DPP10: variants seen among roughly 807,000 people sequenced by gnomAD.
The protein encoded by DPP10 is dipeptidyl peptidase like 10.
DPP10 carries 33 observed loss-of-function variants against 120.9 expected under a neutral mutation model. The observed-to-expected ratio is 0.27, with a 90% CI of 0.21 to 0.37. The LOEUF (loss-of-function observed/expected upper bound fraction) is 0.37, where lower values mean the gene tolerates loss of function less well. DPP10 is among the 10% of genes least tolerant of loss of function. The probability of loss-of-function intolerance (pLI) is 1.00; values close to 1 mark genes in which losing one functional copy is unlikely to be tolerated. For missense variants in DPP10, 816 were observed against 942.8 expected (o/e 0.87, Z 1.76); for synonymous variants, 337 against 326.1 (o/e 1.03, Z -0.36).
At chr2:114,767,524 C>T (rs1680847746) in intron 1 of DPP10, among the ~76,000 whole-genome samples, 1 of 151,688 alleles carries the variant, frequency 6.6e-6, no homozygotes, top group South Asian at 2.1e-4. Flanking sequence ...AAGTAGAACA[C>T]CAAAGGAAAG....
At chr2:115,161,721 G>C in intron 1 of DPP10, 1 of 397,718 alleles carries the variant, frequency 2.5e-6, no homozygotes, top group East Asian at 4.0e-5. Flanking sequence ...TTGGGTGGCG[G>C]GGGGCGGGGA....
rs1357819725 is a variant in DPP10 at position 114,648,828 on chromosome 2, AT to A, written c.60+205995del. Among the ~76,000 whole-genome samples the A allele has an allele frequency of 2.6e-5, 4 of 152,312 alleles. No individual in the cohort carries two copies. The South Asian group carries it at 6.2e-4, about 24-fold the overall frequency. On this transcript the variant is annotated intron_variant, in intron 1 of 25. Coordinates refer to ENST00000410059, the MANE Select transcript of DPP10 (RefSeq NM_020868.6). ...GTGGTACATACATACAAAGTGAGCT[AT>A]TTTTGATGATAGTGAAGCCACTATC... is the stretch of plus-strand genomic sequence containing the variant.
intron 1 of DPP10, among the ~76,000 whole-genome samples, chr2:114,652,791 A>T (rs1364535307): frequency 6.6e-6 from 1 of 152,052 alleles, no homozygotes; most frequent in African/African-American, 2.4e-5. Context: ...TCACTTTCTC[A>T]CTGATTTTAG....
chr2:114,719,558 T>C lies in DPP10; in HGVS notation c.60+276720T>C, dbSNP rs897424146. Among the ~76,000 whole-genome samples the C allele has an allele frequency of 9.2e-5, 14 of 152,310 alleles. No individual in the cohort carries two copies. In the South Asian group the frequency reaches 2.9e-3, roughly 32 times the overall value. ...CTGATCCATAAGTGGGCCTTTAACA[T>C]AGGGCATACATGGCCTGGTTCACAA... On this transcript the variant is annotated intron_variant, in intron 1 of 25. Transcript: ENST00000410059.
chr2:114,531,298 A>G (rs541065349), intron 1 of DPP10, among the ~76,000 whole-genome samples: 48 of 152,162 alleles, frequency 3.2e-4, no homozygotes, highest in African/African-American at 1.1e-3. Context: ...TCTTTCCTAA[A>G]TATTCCGGTC....
chr2:115,224,888 G>A (rs111931182), intron 1 of DPP10, among the ~76,000 whole-genome samples: 17 of 152,104 alleles, frequency 1.1e-4, no homozygotes, highest in African/African-American at 3.6e-4. Flanking sequence ...ACTCTCAATA[G>A]CTTTTGAGAC....
intron 1 of DPP10, among the ~76,000 whole-genome samples, chr2:114,532,294 T>TATATATAC (rs1686074596): frequency 2.1e-4 from 14 of 65,932 alleles, no homozygotes; most frequent in Non-Finnish European, 3.8e-4. Context: ...TATATATATA[T>TATATATAC]ATACACACAC....
chr2:115,425,104 G>T (rs112834930), intron 3 of DPP10, among the ~76,000 whole-genome samples: 6,850 of 152,252 alleles, frequency 0.045, 217 homozygotes, highest in Middle Eastern at 0.078. Flanking sequence ...AGGCAGAGAT[G>T]AATGAGGGGC....
At chr2:114,663,654 T>TAGAG (rs1262689550) in intron 1 of DPP10, among the ~76,000 whole-genome samples, 5 of 95,146 alleles carry the variant, frequency 5.3e-5, no homozygotes, top group South Asian at 3.1e-4. Context: ...TATATATATA[T>TAGAG]ATATATATAT....
intron 1 of DPP10, among the ~76,000 whole-genome samples, chr2:114,999,972 C>T (rs1701334290): frequency 6.6e-6 from 1 of 152,018 alleles, no homozygotes; most frequent in Admixed American, 6.6e-5. Context: ...GCTATGTACA[C>T]ATGCATGTGT....
At chr2:115,186,164 G>A (rs999788697) in intron 1 of DPP10, among the ~76,000 whole-genome samples, 3 of 152,128 alleles carry the variant, frequency 2.0e-5, no homozygotes, top group South Asian at 2.1e-4. Flanking sequence ...TCATCACTGC[G>A]GAGCTCCGTT....
chr2:114,497,302 CGTGTAT>C (rs1558814093), intron 1 of DPP10, among the ~76,000 whole-genome samples: 1 of 65,042 alleles, frequency 1.5e-5, no homozygotes, highest in Non-Finnish European at 5.0e-5. Flanking sequence ...TACATGTATA[CGTGTAT>C]ACATGTACAT....
chr2:114,949,356 G>A (rs2104628873), intron 1 of DPP10, among the ~76,000 whole-genome samples: 1 of 152,234 alleles, frequency 6.6e-6, no homozygotes, highest in East Asian at 1.9e-4. Flanking sequence ...ATTACAATTC[G>A]AGATGAGATT....
chr2:115,811,855 G>A (rs150009702), intron 19 of DPP10, among the ~76,000 whole-genome samples: 1 of 152,044 alleles, frequency 6.6e-6, no homozygotes, highest in Non-Finnish European at 1.5e-5. Flanking sequence ...TAGATATTGT[G>A]CATTTAATTA....
chr2:114,785,150 T>C (rs1367141724), intron 1 of DPP10, among the ~76,000 whole-genome samples: 1 of 152,212 alleles, frequency 6.6e-6, no homozygotes, highest in African/African-American at 2.4e-5. Flanking sequence ...TCCCTCCTCC[T>C]GTTCTATTTT....
At chr2:115,518,798 G>A (rs1029392861) in intron 4 of DPP10, among the ~76,000 whole-genome samples, 2 of 152,156 alleles carry the variant, frequency 1.3e-5, no homozygotes, top group African/African-American at 4.8e-5. Context: ...ATTGTATAAG[G>A]CCATGGTGAG....
chr2:115,630,383 C>G (rs2085748452), intron 5 of DPP10, among the ~76,000 whole-genome samples: 1 of 151,962 alleles, frequency 6.6e-6, no homozygotes, highest in Non-Finnish European at 1.5e-5. Flanking sequence ...CTCTTCCTAC[C>G]TGAATACCCT....
At chr2:114,917,169 C>T (rs1302192485) in intron 1 of DPP10, among the ~76,000 whole-genome samples, 1 of 152,086 alleles carries the variant, frequency 6.6e-6, no homozygotes, top group Non-Finnish European at 1.5e-5. Flanking sequence ...TTTCTATACA[C>T]CAATAATGTC....
rs72945842 is a variant in DPP10 at position 114,984,884 on chromosome 2, G to A, written c.61-324355G>A. On this transcript the variant is annotated intron_variant, in intron 1 of 25. Transcript: ENST00000410059. Reference sequence around the variant, plus strand: ...CTCTCTTCCCAAGAGCTCAGCCTTGGCCCCAGCTATGTGTCCATTTCCATG... The same window carrying A: ...CTCTCTTCCCAAGAGCTCAGCCTTGACCCCAGCTATGTGTCCATTTCCATG... 5.8e-3 allele frequency among the ~76,000 whole-genome samples: 875 copies of A among 152,172 alleles called. 10 individuals carry two copies. The highest frequency in any genetic ancestry group is 0.034 in the Middle Eastern group (10 of 294).
Sources: allele counts gnomAD v4.1 joint callset (sites outside exome capture counted in the v4.1 genomes callset), GRCh38; gene constraint gnomAD v4.1.1; transcripts MANE v1.5; gene names NCBI Gene and HGNC (gene_info 2026-07-23, HGNC 2026-07-21).